The following BRD10 variants were observed in gnomAD, a reference collection of about 807,000 sequenced individuals.
BRD10 encodes the protein bromodomain containing 10.
the BRD10 span, chr9:5,891,149 A>T: frequency 1.3e-5 from 2 of 152,168 alleles, no homozygotes; most frequent in South Asian, 4.1e-4. Context: ...ACCAAGAAGA[A>T]AAGCAATTAT....
the BRD10 span, among the ~76,000 whole-genome samples, chr9:6,008,441 G>A: frequency 2.6e-5 from 4 of 151,876 alleles, no homozygotes; most frequent in African/African-American, 9.7e-5. Context: ...GTGGAGAGAA[G>A]CAAAGAAAGA....
chr9:5,960,549 T>A, the BRD10 span, among the ~76,000 whole-genome samples: 3 of 136,596 alleles, frequency 2.2e-5, no homozygotes, highest in African/African-American at 8.1e-5. Flanking sequence ...GCAACAAGAG[T>A]GAGACTCTGT....
chr9:5,925,791 G>A, the BRD10 span, among the ~76,000 whole-genome samples: 5 of 152,074 alleles, frequency 3.3e-5, no homozygotes, highest in Non-Finnish European at 7.4e-5. Context: ...AACTAGAGAT[G>A]GAAACATGGT....
chr9:5,907,076 A>T, the BRD10 span: 1 of 996,388 alleles, frequency 1.0e-6, no homozygotes, highest in Non-Finnish European at 1.4e-6. Flanking sequence ...TTTCCATTTA[A>T]AAAGCAAGGA....
the BRD10 span, among the ~76,000 whole-genome samples, chr9:5,983,245 T>C: frequency 5.9e-5 from 9 of 152,300 alleles, no homozygotes; most frequent in South Asian, 1.2e-3. Context: ...TATGCTATTG[T>C]AGGGCTGAAC....
chr9:6,007,223 G>T, the BRD10 span: 2 of 1,613,684 alleles, frequency 1.2e-6, no homozygotes, highest in East Asian at 4.5e-5. Context: ...TTCTGCTCCA[G>T]CATCATCTCC....
At chr9:5,988,833 T>C in the BRD10 span, among the ~76,000 whole-genome samples, 15 of 152,262 alleles carry the variant, frequency 9.9e-5, no homozygotes, top group African/African-American at 3.6e-4. Context: ...AAGTTTATTG[T>C]TTGCAATGTA....
At chr9:5,954,024 C>G in the BRD10 span, 165 of 1,557,990 alleles carry the variant, frequency 1.1e-4, no homozygotes, top group Non-Finnish European at 1.3e-4. Context: ...ACCTGAAACT[C>G]TGGTACAGTA....
the BRD10 span, among the ~76,000 whole-genome samples, chr9:5,992,583 T>C: frequency 6.6e-6 from 1 of 152,184 alleles, no homozygotes; most frequent in Non-Finnish European, 1.5e-5. Context: ...AAGCTTTTTT[T>C]CTGTCTATTA....
At chr9:6,000,792 A>G in the BRD10 span, among the ~76,000 whole-genome samples, 1 of 152,336 alleles carries the variant, frequency 6.6e-6, no homozygotes, top group East Asian at 1.9e-4. Flanking sequence ...TACATTATAC[A>G]TATTTTAATC....
chr9:5,955,982 G>A, the BRD10 span, among the ~76,000 whole-genome samples: 5 of 152,098 alleles, frequency 3.3e-5, no homozygotes, highest in Middle Eastern at 3.4e-3. Context: ...TCTATACACT[G>A]CCTTTACCAT....
the BRD10 span, among the ~76,000 whole-genome samples, chr9:5,945,905 A>T: frequency 1.3e-5 from 2 of 150,926 alleles, no homozygotes; most frequent in East Asian, 1.9e-4. Context: ...TGTGATAATT[A>T]AAAAAAAACT....
the BRD10 span, among the ~76,000 whole-genome samples, chr9:5,963,585 C>A: frequency 3.4e-4 from 52 of 151,762 alleles, no homozygotes; most frequent in African/African-American, 1.2e-3. Flanking sequence ...CAAAAAAGAG[C>A]CTGCATCACC....
At chr9:5,975,484 TTAAAG>T in the BRD10 span, among the ~76,000 whole-genome samples, 7 of 147,964 alleles carry the variant, frequency 4.7e-5, no homozygotes, top group Admixed American at 1.3e-4. Flanking sequence ...AATAAGGTCA[TTAAAG>T]TAGTTATTGA....
chr9:5,904,158 C>T, the BRD10 span, among the ~76,000 whole-genome samples: 1 of 151,662 alleles, frequency 6.6e-6, no homozygotes, highest in Non-Finnish European at 1.5e-5. Flanking sequence ...CATGCCTGGC[C>T]TCTATCCACT....
the BRD10 span, among the ~76,000 whole-genome samples, chr9:5,951,076 A>ACC: frequency 1.9e-4 from 24 of 127,420 alleles, no homozygotes; most frequent in South Asian, 7.4e-4. Flanking sequence ...ACACACACAC[A>ACC]CCCCCACCCC....
the BRD10 span, among the ~76,000 whole-genome samples, chr9:5,991,471 C>T: frequency 1.3e-5 from 2 of 152,066 alleles, no homozygotes; most frequent in African/African-American, 2.4e-5. Flanking sequence ...GCCTGTAATC[C>T]CAACACACTG....
the BRD10 span, among the ~76,000 whole-genome samples, chr9:5,997,940 T>C: frequency 3.3e-5 from 5 of 152,272 alleles, no homozygotes; most frequent in East Asian, 9.6e-4. Flanking sequence ...TACTGTACGT[T>C]TTGTAAAGGA....
At chr9:5,920,483 G>A in the BRD10 span, 8 of 1,613,988 alleles carry the variant, frequency 5.0e-6, no homozygotes, top group Non-Finnish European at 6.8e-6. Flanking sequence ...GTAACTGGGG[G>A]TTTTTACTAA....
Sources: allele counts gnomAD v4.1 joint callset (sites outside exome capture counted in the v4.1 genomes callset), GRCh38; gene constraint gnomAD v4.1.1; transcripts MANE v1.5; gene names NCBI Gene and HGNC (gene_info 2026-07-23, HGNC 2026-07-21).